HECTD4: variants seen among roughly 807,000 people sequenced by gnomAD.
HECTD4 encodes the protein HECT domain E3 ubiquitin protein ligase 4.
A neutral mutation model predicts 471.5 loss-of-function variants in HECTD4; 114 were observed. The ratio of observed to expected loss-of-function variants is 0.24; its 90% CI spans 0.21 to 0.28. The LOEUF is 0.28. Ranked by LOEUF, HECTD4 falls within the 10% of genes least tolerant of loss-of-function variation. The pLI, the probability that HECTD4 is intolerant of heterozygous loss-of-function variation, is 1.00. For missense variants in HECTD4, 3,866 were observed against 5,651.5 expected, an observed-to-expected ratio of 0.68 and a Z score of 10.13; for synonymous variants, 2,012 against 2,256.0, an observed-to-expected ratio of 0.89 and a Z score of 3.07.
At chr12:112,351,315 G>A (rs1441910519) in intron 1 of HECTD4, among the ~76,000 whole-genome samples, 1 of 152,218 alleles carries the variant, frequency 6.6e-6, no homozygotes, top group Non-Finnish European at 1.5e-5. Flanking sequence ...CGTCAGAAGT[G>A]GTGGTTTGGC....
At position 112,228,344 on chromosome 12, in the gene HECTD4, A is replaced by C; in HGVS notation, c.6685-86T>G. 7.7e-7 allele frequency: 1 copy of C among 1,305,254 alleles called. No individual in the cohort carries two copies. Among genetic ancestry groups the C allele is most frequent in the Non-Finnish European group, 1.0e-6 (1 of 996,352 alleles). 80.9% of individuals were successfully genotyped at this position (1,305,254 alleles called of 1,614,324 possible). The stretch of plus-strand genomic sequence containing the variant: ...GAGGGTGTTATTATTATCTGGAGTT[A>C]ATTCTTAAATTTTCAGTTAAAAAAA... On this transcript the variant is annotated intron_variant, in intron 42 of 75. Transcript: ENST00000682272. The surrounding 1 kb of genome is among the most constrained non-coding windows in gnomAD (Gnocchi z 4.9).
At position 112,162,477 on chromosome 12, in the gene HECTD4, C is replaced by G; in HGVS notation, c.13167G>C (p.Met4389Ile). ...GAGAGGAGTACTGGGGAAGCTTGAT[C>G]ATGAACATGCAGGTCTCCACGCGGA... The part of the protein sequence containing the change: ...RYIRVETCMF[M>I]IKLPQYSSLE... Residue 4389 changes from methionine (M) to isoleucine (I), a missense_variant, in exon 76 of 76, where the codon ATG becomes ATC. Around this residue, in one of 16 missense-constraint regions of HECTD4, gnomAD observed 715 missense variants for 1,087.6 expected, o/e 0.66. Coordinates refer to ENST00000682272, the MANE Select transcript of HECTD4 (RefSeq NM_001388303.1). The surrounding 1 kb of genome is among the most constrained non-coding windows in gnomAD (Gnocchi z 5.2). 1 of 1,613,986 alleles carries G rather than the reference C, an allele frequency of 6.2e-7. No individual in the cohort carries two copies. The highest frequency in any genetic ancestry group is 1.1e-5 in the South Asian group (1 of 91,080).
intron 67 of HECTD4, among the ~76,000 whole-genome samples, chr12:112,172,264 T>C (rs758705221): frequency 3.8e-4 from 58 of 152,240 alleles, no homozygotes; most frequent in Non-Finnish European, 6.9e-4. Flanking sequence ...CCTGCAATCC[T>C]AGCTTTTAAC....
At chr12:112,320,836 G>A (rs924291448) in intron 1 of HECTD4, among the ~76,000 whole-genome samples, 1 of 152,004 alleles carries the variant, frequency 6.6e-6, no homozygotes, top group Non-Finnish European at 1.5e-5. Context: ...CGGTTCTTTG[G>A]TTGTGAAGCA....
At chr12:112,291,707 C>T (rs2034890256) in intron 7 of HECTD4, among the ~76,000 whole-genome samples, 1 of 152,086 alleles carries the variant, frequency 6.6e-6, no homozygotes, top group Non-Finnish European at 1.5e-5. Flanking sequence ...CCCGTCTCTA[C>T]TAAAAATACA....
chr12:112,258,168 G>A (rs1316415465), intron 20 of HECTD4, among the ~76,000 whole-genome samples: 1 of 149,926 alleles, frequency 6.7e-6, no homozygotes, highest in East Asian at 2.0e-4. Context: ...CAGCCTGGGT[G>A]ACAGAACAAG....
At chr12:112,212,354 C>A in intron 49 of HECTD4, 133 bp downstream of exon 49, 1 of 713,396 alleles carries the variant, frequency 1.4e-6, no homozygotes, top group Non-Finnish European at 2.4e-6. Context: ...CAAGCTGGCT[C>A]TGCCCTTCCT....
In HECTD4 at chr12:112,162,559, C is replaced by T. The variant is rs1199903045; in HGVS notation, c.13121-36G>A. On this transcript the variant is annotated intron_variant, in intron 75 of 75. Transcript: ENST00000682272. The surrounding 1 kb of genome is among the most constrained non-coding windows in gnomAD (Gnocchi z 5.2). ...CCGAGCCAGCATCAGAGGGTTGGGCCCACATCTGTGAGGCTCCCAGGGAAG... is the reference window on the plus strand; with the variant it reads ...CCGAGCCAGCATCAGAGGGTTGGGCTCACATCTGTGAGGCTCCCAGGGAAG... 1 of 1,613,234 alleles carries T rather than the reference C, an allele frequency of 6.2e-7. No individual in the cohort carries two copies. Among genetic ancestry groups the T allele is most frequent in the Non-Finnish European group, 8.5e-7 (1 of 1,179,642 alleles).
chr12:112,381,941 G>A lies in HECTD4; in HGVS notation c.177+11C>T. ...AGTCCGATGGCGGGGGCCGGGGGCC[G>A]CCTCGCTCACCTCCAGGTCGGTGTC... On this transcript the variant is annotated intron_variant, in intron 1 of 75. Transcript: ENST00000682272. The surrounding 1 kb of genome is among the most constrained non-coding windows in gnomAD (Gnocchi z 4.1). 1.6e-6 allele frequency: 2 copies of A among 1,222,604 alleles called. No individual in the cohort carries two copies. The highest frequency in any genetic ancestry group is 1.0e-6 in the Non-Finnish European group (1 of 981,938). 75.7% of individuals were successfully genotyped at this position (1,222,604 alleles called of 1,614,324 possible).
At chr12:112,265,002 T>C (rs1168266564) in intron 16 of HECTD4, among the ~76,000 whole-genome samples, 173 bp downstream of exon 16, 1 of 152,188 alleles carries the variant, frequency 6.6e-6, no homozygotes, top group African/African-American at 2.4e-5. Flanking sequence ...TGACCTCAGG[T>C]GATCCACCCA....
At chr12:112,335,230 C>T (rs1407801696) in intron 1 of HECTD4, among the ~76,000 whole-genome samples, 1 of 151,772 alleles carries the variant, frequency 6.6e-6, no homozygotes, top group Admixed American at 6.6e-5. Flanking sequence ...GCATTTGCAG[C>T]AACCTGGATG....
intron 2 of HECTD4, among the ~76,000 whole-genome samples, chr12:112,315,328 C>CT (rs1462244215): frequency 2.6e-5 from 4 of 152,200 alleles, no homozygotes; most frequent in African/African-American, 9.7e-5. Context: ...TGCTGGGTAT[C>CT]ATATGCCTAA....
At chr12:112,244,137 A>T (rs2033704180) in intron 29 of HECTD4, 128 bp from the exon 30 acceptor site, 1 of 789,850 alleles carries the variant, frequency 1.3e-6, no homozygotes, top group African/African-American at 1.7e-5. Flanking sequence ...CAATCTAGCT[A>T]GCACAGCATA....
At chr12:112,281,117 C>T (rs774569397) in intron 8 of HECTD4, among the ~76,000 whole-genome samples, 2 of 152,040 alleles carry the variant, frequency 1.3e-5, no homozygotes, top group African/African-American at 2.4e-5. Flanking sequence ...CTTGAATGTT[C>T]GCTTACTTTT....
Position 112,283,155 on chromosome 12 carries a change from G to C in HECTD4, c.1483C>G (p.Leu495Val). Reference sequence around the variant, plus strand: ...GTGTTGGAGATGGTGGAACCAGTCAGGGCAGCAAGCGTTGCTGACGGGGAG... The same window carrying C: ...GTGTTGGAGATGGTGGAACCAGTCACGGCAGCAAGCGTTGCTGACGGGGAG... ...RASPSATLAA[L>V]TGSTISNTLK... The change falls in exon 8 of 76, where the codon CTG (leucine) becomes GTG (valine). Residue 495 changes from leucine to valine, a missense_variant. Transcript: ENST00000682272. The C allele has an allele frequency of 6.2e-7, 1 of 1,613,804 alleles. No individual in the cohort carries two copies. Among genetic ancestry groups the C allele is most frequent in the Non-Finnish European group, 8.5e-7 (1 of 1,179,830 alleles).
intron 1 of HECTD4, among the ~76,000 whole-genome samples, chr12:112,336,581 T>C (rs917976335): frequency 1.3e-5 from 2 of 151,940 alleles, no homozygotes; most frequent in Non-Finnish European, 2.9e-5. Flanking sequence ...GCCAATATAT[T>C]TAATTATATT....
At chr12:112,264,763 AATTATT>A (rs778478116) in intron 16 of HECTD4, among the ~76,000 whole-genome samples, 11 of 151,948 alleles carry the variant, frequency 7.2e-5, no homozygotes, top group Non-Finnish European at 1.2e-4. Context: ...GACTTTCATA[AATTATT>A]ATTATTATTA....
intron 59 of HECTD4, among the ~76,000 whole-genome samples, chr12:112,192,079 C>G (rs1471102900): frequency 1.3e-5 from 2 of 152,172 alleles, no homozygotes; most frequent in East Asian, 3.8e-4. Context: ...TCATCTAACT[C>G]TAAAACGATG....
At chr12:112,236,285 T>C (rs2033501458) in intron 35 of HECTD4, among the ~76,000 whole-genome samples, 1 of 152,176 alleles carries the variant, frequency 6.6e-6, no homozygotes, top group Admixed American at 6.5e-5. Context: ...AAGCATTCTA[T>C]AATAAATGAT....
Sources: allele counts gnomAD v4.1 joint callset (sites outside exome capture counted in the v4.1 genomes callset), GRCh38; gene constraint gnomAD v4.1.1; regional missense constraint gnomAD v4.1.1; non-coding constraint Gnocchi (gnomAD v3.1); transcripts MANE v1.5; gene names NCBI Gene and HGNC (gene_info 2026-07-23, HGNC 2026-07-21).